Variants in DYNC2LI1 observed in about 807,000 individuals in gnomAD.
DYNC2LI1 encodes the protein dynein cytoplasmic 2 light intermediate chain 1.
A neutral mutation model predicts 51.9 loss-of-function variants in DYNC2LI1; 45 were observed. The observed-to-expected ratio is 0.87, with a 90% CI of 0.68 to 1.11. DYNC2LI1 has a LOEUF of 1.11. DYNC2LI1 is among the 50% of genes most tolerant of loss of function. The pLI is 0.00. For missense variants in DYNC2LI1, 490 were observed against 417.4 expected, an observed-to-expected ratio of 1.17 and a Z score of -1.51; for synonymous variants, 130 against 137.8, an observed-to-expected ratio of 0.94 and a Z score of 0.40.
At chr2:43,781,238 G>A (rs184040270) in intron 2 of DYNC2LI1, among the ~76,000 whole-genome samples, 1 of 152,026 alleles carries the variant, frequency 6.6e-6, no homozygotes, top group Non-Finnish European at 1.5e-5. Context: ...ACGTGGTGGT[G>A]CATACTGGTA....
chr2:43,820,396 T>C, the DYNC2LI1 span, among the ~76,000 whole-genome samples: 1 of 152,220 alleles, frequency 6.6e-6, no homozygotes, highest in Non-Finnish European at 1.5e-5. Flanking sequence ...CTAACCGCAG[T>C]AAGCAGGCTT....
Position 43,805,184 on chromosome 2 carries a change from C to G in DYNC2LI1, c.931C>G (p.Pro311Ala). The change falls in exon 12 of 13, where the codon CCT becomes GCT. Residue 311 changes from proline (P) to alanine (A), a missense_variant. Physicochemically the swap from Pro to Ala is conservative, Grantham distance 27. Coordinates refer to ENST00000260605, the MANE Select transcript of DYNC2LI1 (RefSeq NM_016008.4). The stretch of plus-strand genomic sequence containing the variant: ...TAACACGCTGAAAGATATCAAGGAC[C>G]CTGCGAGAGATCCTCAGTATGCTGA... Reference protein sequence around the residue: ...SINTLKDIKDPARDPQYAENE... With the variant: ...SINTLKDIKDAARDPQYAENE... 1 of 1,611,192 alleles carries G rather than the reference C, an allele frequency of 6.2e-7. No individual in the cohort carries two copies. The highest frequency in any genetic ancestry group is 8.5e-7 in the Non-Finnish European group (1 of 1,178,046).
chr2:43,774,078 C>G lies in DYNC2LI1; in HGVS notation c.-61C>G. ...CCAGACTCCTTGCGGAGCTCGCCGCCTGATTCTAGGCTGGTCACTACTCCG... is the reference window on the plus strand; with the variant it reads ...CCAGACTCCTTGCGGAGCTCGCCGCGTGATTCTAGGCTGGTCACTACTCCG... On this transcript the variant is annotated 5_prime_UTR_variant, in exon 1 of 13. Transcript: ENST00000260605. 1 of 1,608,316 alleles carries G rather than the reference C, an allele frequency of 6.2e-7. No individual in the cohort carries two copies. The highest frequency in any genetic ancestry group is 8.5e-7 in the Non-Finnish European group (1 of 1,177,134).
chr2:43,813,708 C>CTTT (rs1558715512), downstream of DYNC2LI1, among the ~76,000 whole-genome samples: 4 of 35,368 alleles, frequency 1.1e-4, no homozygotes, highest in African/African-American at 2.1e-4. Context: ...TTTTTTTTTT[C>CTTT]GTTTTTTTTT....
At chr2:43,817,488 C>T in the DYNC2LI1 span, among the ~76,000 whole-genome samples, 20 of 150,256 alleles carry the variant, frequency 1.3e-4, no homozygotes, top group Non-Finnish European at 1.8e-4. Context: ...GACTCTGCGT[C>T]AAGAAACAAA....
chr2:43,789,836 T>G, intron 5 of DYNC2LI1, 115 bp downstream of exon 5: 1 of 758,048 alleles, frequency 1.3e-6, no homozygotes. Context: ...TGCTGAAGGC[T>G]TATGCCCACT....
chr2:43,815,344 C>T, the DYNC2LI1 span, among the ~76,000 whole-genome samples: 1 of 152,110 alleles, frequency 6.6e-6, no homozygotes, highest in Admixed American at 6.5e-5. Flanking sequence ...TTGAGAACTT[C>T]AAAAGATGTA....
chr2:43,820,391 C>G, the DYNC2LI1 span, among the ~76,000 whole-genome samples: 1 of 152,002 alleles, frequency 6.6e-6, no homozygotes, highest in African/African-American at 2.4e-5. Context: ...CACAACTAAC[C>G]GCAGTAAGCA....
chr2:43,780,526 A>T (rs1673228033), intron 2 of DYNC2LI1, among the ~76,000 whole-genome samples: 1 of 152,138 alleles, frequency 6.6e-6, no homozygotes, highest in South Asian at 2.1e-4. Context: ...GAGGACCCTA[A>T]TGTATGTAGG....
the DYNC2LI1 span, among the ~76,000 whole-genome samples, chr2:43,819,056 TGA>T: frequency 6.6e-6 from 1 of 152,230 alleles, no homozygotes; most frequent in Admixed American, 6.5e-5. Flanking sequence ...TGGATTGCTC[TGA>T]GAGTTAAATA....
At chr2:43,821,940 T>C in the DYNC2LI1 span, among the ~76,000 whole-genome samples, 3 of 152,120 alleles carry the variant, frequency 2.0e-5, no homozygotes, top group Admixed American at 2.0e-4. Context: ...CTTGATCCCA[T>C]GTTATTCTGA....
chr2:43,778,409 C>T (rs1379898546), intron 2 of DYNC2LI1, among the ~76,000 whole-genome samples: 2 of 152,154 alleles, frequency 1.3e-5, no homozygotes, highest in Non-Finnish European at 2.9e-5. Flanking sequence ...CCATCTCAGC[C>T]TCCTAGAATG....
downstream of DYNC2LI1, among the ~76,000 whole-genome samples, chr2:43,811,056 C>T (rs1666463697): frequency 6.6e-6 from 1 of 152,146 alleles, no homozygotes; most frequent in East Asian, 1.9e-4. Context: ...TGTTTCTGAG[C>T]TAGAATGAAA....
chr2:43,820,316 C>T, the DYNC2LI1 span, among the ~76,000 whole-genome samples: 1 of 152,180 alleles, frequency 6.6e-6, no homozygotes, highest in Non-Finnish European at 1.5e-5. Context: ...CATTGGGAGC[C>T]ACCTTTTCCC....
intron 2 of DYNC2LI1, among the ~76,000 whole-genome samples, chr2:43,779,053 C>T (rs943726644): frequency 6.6e-5 from 10 of 151,856 alleles, no homozygotes; most frequent in African/African-American, 2.2e-4. Flanking sequence ...CCCAGGAGTT[C>T]GAGACCAACC....
chr2:43,803,230 T>C (rs1304364607), intron 10 of DYNC2LI1, among the ~76,000 whole-genome samples: 1 of 152,220 alleles, frequency 6.6e-6, no homozygotes, highest in Non-Finnish European at 1.5e-5. Context: ...CATATGTTCA[T>C]GGCAGCTTTA....
chr2:43,812,965 T>A (rs1033210250), downstream of DYNC2LI1: 1 of 663,782 alleles, frequency 1.5e-6, no homozygotes, highest in African/African-American at 1.8e-5. Context: ...CAAGGCCTGC[T>A]TGGATCCAAG....
At chr2:43,813,793 C>G (rs1666640866), downstream of DYNC2LI1, among the ~76,000 whole-genome samples, 1 of 137,958 alleles carries the variant, frequency 7.2e-6, no homozygotes, top group Admixed American at 7.8e-5. Flanking sequence ...TCTGGGCTCA[C>G]TGCAACCTCA....
the DYNC2LI1 span, chr2:43,824,623 T>A: frequency 7.1e-6 from 7 of 985,322 alleles, no homozygotes; most frequent in African/African-American, 1.2e-4. Context: ...CCATTGGGAT[T>A]GTCTGGGAGA....
Sources: allele counts gnomAD v4.1 joint callset (sites outside exome capture counted in the v4.1 genomes callset), GRCh38; gene constraint gnomAD v4.1.1; transcripts MANE v1.5; gene names NCBI Gene and HGNC (gene_info 2026-07-23, HGNC 2026-07-21).